The following SLC25A21 variants were observed in gnomAD, a reference collection of about 807,000 sequenced individuals.
The protein encoded by SLC25A21 is mitochondrial 2-oxodicarboxylate carrier.
Under a neutral mutation model 43.8 loss-of-function variants are expected in SLC25A21, and 47 were observed. That is an observed-to-expected ratio of 1.07 (90% confidence interval 0.85 to 1.37). The LOEUF (loss-of-function observed/expected upper bound fraction) is 1.37, where lower values mean the gene tolerates loss of function less well. Ranked by LOEUF, SLC25A21 falls within the 40% of genes most tolerant of loss-of-function variation. The pLI is 0.00. For synonymous variants in SLC25A21, 131 were observed against 121.3 expected, an observed-to-expected ratio of 1.08 and a Z score of -0.52; for missense variants, 352 against 350.2, an observed-to-expected ratio of 1.00 and a Z score of -0.04.
intron 6 of SLC25A21, among the ~76,000 whole-genome samples, chr14:36,719,772 C>CAT (rs1321349210): frequency 1.3e-5 from 2 of 152,138 alleles, no homozygotes; most frequent in African/African-American, 4.8e-5. Context: ...TTTAAATTCA[C>CAT]ATTTTTTAAA....
intron 1 of SLC25A21, among the ~76,000 whole-genome samples, chr14:36,919,810 C>A (rs185866678): frequency 1.5e-3 from 221 of 152,078 alleles, no homozygotes; most frequent in African/African-American, 4.6e-3. Flanking sequence ...TGTTTCCTTA[C>A]TAAAGACCAC....
chr14:36,844,279 C>A (rs1160833474), intron 2 of SLC25A21, among the ~76,000 whole-genome samples: 1 of 152,204 alleles, frequency 6.6e-6, no homozygotes, highest in East Asian at 1.9e-4. Flanking sequence ...ATTTACAGCT[C>A]CCCTTCAATT....
At chr14:36,982,348 C>T (rs1960046923) in intron 1 of SLC25A21, among the ~76,000 whole-genome samples, 1 of 152,172 alleles carries the variant, frequency 6.6e-6, no homozygotes, top group East Asian at 1.9e-4. Flanking sequence ...AATGAGTAAA[C>T]CTGCAGTGTA....
At chr14:37,140,501 T>C (rs1963552194) in intron 1 of SLC25A21, among the ~76,000 whole-genome samples, 1 of 152,162 alleles carries the variant, frequency 6.6e-6, no homozygotes, top group Non-Finnish European at 1.5e-5. Flanking sequence ...AAAATGAGGC[T>C]TATCCTTGCC....
intron 1 of SLC25A21, among the ~76,000 whole-genome samples, chr14:37,034,441 C>T (rs973284127): frequency 6.6e-6 from 1 of 152,182 alleles, no homozygotes. Flanking sequence ...ACTGAGAAAC[C>T]TCTGCTATCT....
intron 1 of SLC25A21, among the ~76,000 whole-genome samples, chr14:37,036,092 T>A (rs892574555): frequency 6.6e-6 from 1 of 152,090 alleles, no homozygotes; most frequent in African/African-American, 2.4e-5. Context: ...GCCAGTAAAA[T>A]TTGCACCAGT....
chr14:37,121,445 A>T (rs547381312), intron 1 of SLC25A21, among the ~76,000 whole-genome samples: 18 of 152,270 alleles, frequency 1.2e-4, no homozygotes, highest in Non-Finnish European at 2.5e-4. Flanking sequence ...AAACAAGTTA[A>T]CATGTGGATA....
chr14:37,158,222 A>G (rs1478156165), intron 1 of SLC25A21, among the ~76,000 whole-genome samples: 2 of 152,152 alleles, frequency 1.3e-5, no homozygotes, highest in African/African-American at 4.8e-5. Context: ...AATTCTCGCT[A>G]TCATTCTATG....
chr14:37,055,278 T>C (rs1411189227), intron 1 of SLC25A21, among the ~76,000 whole-genome samples: 1 of 152,208 alleles, frequency 6.6e-6, no homozygotes, highest in Non-Finnish European at 1.5e-5. Flanking sequence ...TCTGAGCAGA[T>C]GTCACGATGA....
intron 1 of SLC25A21, among the ~76,000 whole-genome samples, chr14:36,913,553 G>C (rs1208900388): frequency 6.6e-6 from 1 of 152,172 alleles, no homozygotes; most frequent in African/African-American, 2.4e-5. Flanking sequence ...TAGGATTACA[G>C]GTGTGAGCCA....
At chr14:37,072,745 A>C (rs895945479) in intron 1 of SLC25A21, among the ~76,000 whole-genome samples, 2 of 152,224 alleles carry the variant, frequency 1.3e-5, no homozygotes, top group Admixed American at 1.3e-4. Context: ...TGTCTCAAAA[A>C]TAAAAACAAA....
At chr14:36,735,593 A>C (rs1327996891) in intron 3 of SLC25A21, among the ~76,000 whole-genome samples, 1 of 151,704 alleles carries the variant, frequency 6.6e-6, no homozygotes, top group Non-Finnish European at 1.5e-5. Flanking sequence ...TCTGGGAACA[A>C]GAAGTTGAGA....
chr14:37,067,627 A>G (rs1249206259), intron 1 of SLC25A21, among the ~76,000 whole-genome samples: 1 of 152,214 alleles, frequency 6.6e-6, no homozygotes, highest in African/African-American at 2.4e-5. Flanking sequence ...AGCAGTAAAT[A>G]TATGAGAGGA....
intron 1 of SLC25A21, among the ~76,000 whole-genome samples, chr14:37,169,738 T>C (rs1013922659): frequency 2.6e-5 from 4 of 152,074 alleles, no homozygotes; most frequent in Admixed American, 6.6e-5. Flanking sequence ...CAAGTATATA[T>C]AATATGATTA....
intron 1 of SLC25A21, among the ~76,000 whole-genome samples, chr14:37,123,767 C>A (rs916460243): frequency 6.6e-6 from 1 of 152,020 alleles, no homozygotes; most frequent in East Asian, 1.9e-4. Context: ...ACACCTGTAG[C>A]CCTAGCACTT....
At chr14:37,130,241 G>C (rs1255399328) in intron 1 of SLC25A21, among the ~76,000 whole-genome samples, 1 of 152,066 alleles carries the variant, frequency 6.6e-6, no homozygotes, top group Non-Finnish European at 1.5e-5. Context: ...TTGTGCTTTT[G>C]TGACAGAGAA....
At chr14:37,113,432 C>T (rs1436436511) in intron 1 of SLC25A21, among the ~76,000 whole-genome samples, 1 of 152,074 alleles carries the variant, frequency 6.6e-6, no homozygotes, top group East Asian at 1.9e-4. Flanking sequence ...CAAATACAGA[C>T]CTTGGATACA....
chr14:37,091,433 CAA>C (rs1229828371), intron 1 of SLC25A21, among the ~76,000 whole-genome samples: 14 of 104,960 alleles, frequency 1.3e-4, no homozygotes, highest in Admixed American at 3.1e-4. Context: ...GACTCAGTCT[CAA>C]AAAAAAAAAA....
At chr14:36,704,827 G>A (rs1424125864) in intron 7 of SLC25A21, among the ~76,000 whole-genome samples, 13 of 152,124 alleles carry the variant, frequency 8.5e-5, no homozygotes, top group Admixed American at 7.9e-4. Context: ...TCTCTGGGCC[G>A]TAACTTCCTG....
Sources: allele counts gnomAD v4.1 joint callset (sites outside exome capture counted in the v4.1 genomes callset), GRCh38; gene constraint gnomAD v4.1.1; transcripts MANE v1.5; gene names NCBI Gene and HGNC (gene_info 2026-07-23, HGNC 2026-07-21).